The following DNASE1 variants were observed in gnomAD, a reference collection of about 807,000 sequenced individuals.
The protein encoded by DNASE1 is deoxyribonuclease-1.
Under a neutral mutation model 33.9 loss-of-function variants are expected in DNASE1, and 40 were observed. That is an observed-to-expected ratio of 1.18 (90% confidence interval 0.92 to 1.54). The LOEUF is 1.54. DNASE1 is among the 40% of genes most tolerant of loss of function. DNASE1 has a pLI of 0.00. For synonymous variants in DNASE1, 216 were observed against 160.0 expected, an observed-to-expected ratio of 1.35 and a Z score of -2.64; for missense variants, 518 against 372.6, an observed-to-expected ratio of 1.39 and a Z score of -3.21.
chr16:3,662,387 T>G (rs1343053772), downstream of DNASE1: 1 of 579,966 alleles, frequency 1.7e-6, no homozygotes, highest in Admixed American at 3.0e-5. Flanking sequence ...GCTGCCCGAA[T>G]CCATCGTCCT....
downstream of DNASE1, chr16:3,658,666 C>CATCTCA (rs1170824802): frequency 3.2e-4 from 285 of 893,906 alleles, 7 homozygotes; most frequent in East Asian, 7.7e-3. Flanking sequence ...AGCAACACTC[C>CATCTCA]ATCTCAAAAA....
downstream of DNASE1, chr16:3,662,773 T>C (rs777633687): frequency 9.8e-7 from 1 of 1,025,442 alleles, no homozygotes; most frequent in Non-Finnish European, 1.5e-6. Flanking sequence ...CAAGGGCTTC[T>C]GCTGCTGCTG....
At chr16:3,614,108 T>G (rs911337963) in intron 1 of DNASE1, among the ~76,000 whole-genome samples, 1 of 152,042 alleles carries the variant, frequency 6.6e-6, no homozygotes, top group Non-Finnish European at 1.5e-5. Context: ...GAGACGGGGT[T>G]TCACCATATT....
At chr16:3,629,699 C>A (rs538382527) in intron 1 of DNASE1, among the ~76,000 whole-genome samples, 3 of 152,228 alleles carry the variant, frequency 2.0e-5, no homozygotes, top group East Asian at 1.9e-4. Flanking sequence ...ATCAGTGAAG[C>A]CTTCAGGTCC....
intron 7 of DNASE1, 102 bp from the exon 8 acceptor site, chr16:3,657,618 C>T (rs752448747): frequency 6.6e-5 from 100 of 1,514,128 alleles, no homozygotes; most frequent in Non-Finnish European, 8.3e-5. Context: ...ACCCACAGAC[C>T]TGCACTGGCA....
intron 1 of DNASE1, among the ~76,000 whole-genome samples, chr16:3,645,104 G>C (rs1393042848): frequency 6.6e-6 from 1 of 152,126 alleles, no homozygotes; most frequent in Non-Finnish European, 1.5e-5. Context: ...CTCCAGCCTG[G>C]GTGACAGAGT....
intron 1 of DNASE1, among the ~76,000 whole-genome samples, chr16:3,626,635 A>C (rs776879513): frequency 3.3e-5 from 5 of 152,232 alleles, no homozygotes; most frequent in Non-Finnish European, 5.9e-5. Flanking sequence ...TCTAGATGTC[A>C]GTTAGATCCA....
intron 5 of DNASE1, 74 bp from the exon 6 acceptor site, chr16:3,656,925 C>T: frequency 6.3e-7 from 1 of 1,575,024 alleles, no homozygotes; most frequent in South Asian, 1.1e-5. Flanking sequence ...TGTCATGATA[C>T]ATAGTTCCAG....
In DNASE1 at chr16:3,655,845, C is replaced by A. The variant is rs372902716; in HGVS notation, c.148-4C>A. Reference sequence around the variant, plus strand: ...GCTCAGCACCACTGTGGCCCTGCCCCCAGATCCTGAGCCGCTATGACATCG... The same window carrying A: ...GCTCAGCACCACTGTGGCCCTGCCCACAGATCCTGAGCCGCTATGACATCG... On this transcript the variant is annotated splice_polypyrimidine_tract_variant and splice_region_variant and intron_variant, in intron 2 of 8. Transcript: ENST00000246949. 6.2e-7 allele frequency: 1 copy of A among 1,613,292 alleles called. No homozygotes were observed. Among genetic ancestry groups the A allele is most frequent in the South Asian group, 1.1e-5 (1 of 91,080 alleles).
chr16:3,629,048 T>A (rs1221150678), intron 1 of DNASE1, among the ~76,000 whole-genome samples: 3 of 149,948 alleles, frequency 2.0e-5, no homozygotes, highest in African/African-American at 4.9e-5. Context: ...GGTGGGCGCC[T>A]GTAATCCCAG....
intron 1 of DNASE1, among the ~76,000 whole-genome samples, chr16:3,633,038 C>A (rs1053365246): frequency 6.6e-6 from 1 of 152,064 alleles, no homozygotes; most frequent in African/African-American, 2.4e-5. Context: ...TCATTTTTGA[C>A]CCAACACATG....
At chr16:3,662,289 A>G, downstream of DNASE1, 1 of 880,756 alleles carries the variant, frequency 1.1e-6, no homozygotes. Context: ...ATTACCCACT[A>G]ACTTGTGGGC....
chr16:3,617,003 A>T (rs2041126089), intron 1 of DNASE1, among the ~76,000 whole-genome samples: 1 of 152,136 alleles, frequency 6.6e-6, no homozygotes, highest in South Asian at 2.1e-4. Context: ...CTCAGAATGG[A>T]TCAAAGACCC....
chr16:3,618,459 G>T (rs1430614481), intron 1 of DNASE1, among the ~76,000 whole-genome samples: 1 of 152,240 alleles, frequency 6.6e-6, no homozygotes, highest in African/African-American at 2.4e-5. Flanking sequence ...GCCAGGCGCG[G>T]TGGCTCACGC....
Position 3,655,838 on chromosome 16 carries a change from C to G in DNASE1, c.148-11C>G. 2 of 1,613,128 alleles carry G rather than the reference C, an allele frequency of 1.2e-6. No homozygotes were observed. Among genetic ancestry groups the G allele is most frequent in the Non-Finnish European group, 1.7e-6 (2 of 1,179,786 alleles). On this transcript the variant is annotated splice_polypyrimidine_tract_variant and intron_variant, in intron 2 of 8. Transcript: ENST00000246949. ...CAGCCCTGCTCAGCACCACTGTGGC[C>G]CTGCCCCCAGATCCTGAGCCGCTAT...
At chr16:3,651,969 C>T (rs988995998), upstream of DNASE1, 6 of 152,408 alleles carry the variant, frequency 3.9e-5, no homozygotes, top group African/African-American at 1.4e-4. Context: ...ATAGAGGCTC[C>T]AGACGGTTGA....
chr16:3,612,828 G>C (rs925730993), intron 1 of DNASE1, among the ~76,000 whole-genome samples: 1 of 152,146 alleles, frequency 6.6e-6, no homozygotes, highest in African/African-American at 2.4e-5. Context: ...GAGGTGGAGC[G>C]AAAAGAATGG....
At chr16:3,649,772 C>G (rs575840327), upstream of DNASE1, among the ~76,000 whole-genome samples, 1 of 152,156 alleles carries the variant, frequency 6.6e-6, no homozygotes, top group East Asian at 1.9e-4. Flanking sequence ...GACCCTCTGC[C>G]CCATCTGAGT....
intron 1 of DNASE1, among the ~76,000 whole-genome samples, chr16:3,633,665 C>T (rs1567193943): frequency 6.6e-6 from 1 of 151,360 alleles, no homozygotes; most frequent in African/African-American, 2.4e-5. Context: ...ACAGTTACAA[C>T]TAATCCAATT....
Sources: gnomAD v4.1 joint callset for allele counts (sites outside exome capture counted in the v4.1 genomes callset) on GRCh38, gnomAD v4.1.1 for gene constraint, MANE v1.5 for transcripts, NCBI Gene and HGNC (gene_info 2026-07-23, HGNC 2026-07-21) for gene names.